The following RHBDD1 variants were observed in gnomAD, a reference collection of about 807,000 sequenced individuals.
RHBDD1 encodes the protein rhomboid domain containing 1.
RHBDD1 carries 38 observed loss-of-function variants against 36.3 expected under a neutral mutation model. The ratio of observed to expected loss-of-function variants is 1.05; its 90% CI spans 0.81 to 1.37. The LOEUF is 1.37. Ranked by LOEUF, RHBDD1 falls within the 40% of genes most tolerant of loss-of-function variation. RHBDD1 has a pLI of 0.00. For missense variants in RHBDD1, 393 were observed against 377.6 expected (o/e 1.04, Z -0.34); for synonymous variants, 151 against 136.5 (o/e 1.11, Z -0.74).
chr2:226,810,430 C>T, the RHBDD1 span, among the ~76,000 whole-genome samples: 5 of 148,330 alleles, frequency 3.4e-5, no homozygotes, highest in Non-Finnish European at 7.4e-5. Context: ...ATCTCAGCTA[C>T]TTGTGAGGCT....
intron 8 of RHBDD1, among the ~76,000 whole-genome samples, chr2:226,918,785 A>T (rs1019019395): frequency 6.6e-6 from 1 of 152,178 alleles, no homozygotes; most frequent in Non-Finnish European, 1.5e-5. Context: ...GGGAATATAG[A>T]TATCTCTTTG....
chr2:226,811,679 T>A, the RHBDD1 span, among the ~76,000 whole-genome samples: 1 of 152,356 alleles, frequency 6.6e-6, no homozygotes, highest in Non-Finnish European at 1.5e-5. Flanking sequence ...TCTGGCTCCT[T>A]GAAATTTGAG....
intron 5 of RHBDD1, among the ~76,000 whole-genome samples, chr2:226,893,689 G>A (rs1346803223): frequency 6.6e-6 from 1 of 152,174 alleles, no homozygotes; most frequent in Non-Finnish European, 1.5e-5. Context: ...TGGGATGGGT[G>A]GCTTTGTCCC....
intron 3 of RHBDD1, among the ~76,000 whole-genome samples, chr2:226,840,469 G>A (rs1941489807): frequency 6.6e-6 from 1 of 152,184 alleles, no homozygotes; most frequent in African/African-American, 2.4e-5. Context: ...GGAAAGGAGA[G>A]TGAAAAACCT....
At chr2:226,951,874 G>A (rs1486698420) in intron 8 of RHBDD1, among the ~76,000 whole-genome samples, 2 of 152,194 alleles carry the variant, frequency 1.3e-5, no homozygotes, top group African/African-American at 4.8e-5. Context: ...GATTGTGCAT[G>A]TATCCAAGGA....
intron 8 of RHBDD1, among the ~76,000 whole-genome samples, chr2:226,943,461 G>T (rs183758869): frequency 3.3e-5 from 5 of 152,274 alleles, no homozygotes; most frequent in Non-Finnish European, 7.4e-5. Flanking sequence ...AGTAGTTTTT[G>T]ATTTTCAACT....
rs1440269938 is a variant in RHBDD1, at chr2:226,958,075, A to C, written c.857-37356A>C. On this transcript the variant is annotated intron_variant, in intron 8 of 8. Transcript: ENST00000392062. ...AATGAAAACATATACCTACACAAAA[A>C]CTTGTATGTGAATATTTATTTTAAC... 5.3e-5 allele frequency among the ~76,000 whole-genome samples: 8 copies of C among 152,180 alleles called. No homozygotes were observed. The East Asian group carries it at 1.5e-3, about 29-fold the overall frequency.
chr2:226,855,179 GA>G (rs1458423660), intron 3 of RHBDD1, among the ~76,000 whole-genome samples: 8 of 152,132 alleles, frequency 5.3e-5, no homozygotes, highest in African/African-American at 1.9e-4. Context: ...GTGTATGAAG[GA>G]AAAAAGGAAG....
chr2:226,870,724 T>C (rs1310705729), intron 5 of RHBDD1, among the ~76,000 whole-genome samples: 1 of 152,248 alleles, frequency 6.6e-6, no homozygotes, highest in Non-Finnish European at 1.5e-5. Flanking sequence ...ATGTTATATG[T>C]ATCATATACT....
At chr2:226,804,770 G>A in the RHBDD1 span, 2 of 152,222 alleles carry the variant, frequency 1.3e-5, no homozygotes, top group East Asian at 1.9e-4. Context: ...AAAACTCCAT[G>A]CCACTGTTTA....
At chr2:226,819,324 A>G in the RHBDD1 span, among the ~76,000 whole-genome samples, 1 of 152,232 alleles carries the variant, frequency 6.6e-6, no homozygotes, top group Non-Finnish European at 1.5e-5. Context: ...CTAGGAGACT[A>G]CACAATTTGC....
At chr2:226,819,120 C>A in the RHBDD1 span, among the ~76,000 whole-genome samples, 2 of 152,176 alleles carry the variant, frequency 1.3e-5, no homozygotes, top group Admixed American at 6.5e-5. Context: ...GAATTTATGA[C>A]CCCTGTCTTA....
At chr2:226,994,901 A>G (rs1286034265) in intron 8 of RHBDD1, among the ~76,000 whole-genome samples, 2 of 152,110 alleles carry the variant, frequency 1.3e-5, no homozygotes, top group Non-Finnish European at 2.9e-5. Flanking sequence ...ACCTGCCCAG[A>G]TATTGATCAG....
At chr2:226,865,163 G>A in intron 4 of RHBDD1, 37 bp downstream of exon 4, 1 of 1,471,632 alleles carries the variant, frequency 6.8e-7, no homozygotes, top group Non-Finnish European at 9.3e-7. Context: ...CATGCATAAA[G>A]GAAGCAAGGG....
Position 226,904,416 on chromosome 2 carries a change from G to GT in RHBDD1, c.567-2377_567-2376insT, listed in dbSNP as rs773855639. On this transcript the variant is annotated intron_variant, in intron 5 of 8. Transcript: ENST00000392062. The stretch of plus-strand genomic sequence containing the variant: ...ACCACTGTGGCACATCCTGCAAGCG[G>GT]GGGGGGAGGGGGGTCAGGGAACTCC... 4.1e-4 allele frequency among the ~76,000 whole-genome samples: 61 copies of GT among 148,198 alleles called. 10 individuals are homozygous for GT. In the South Asian group the frequency reaches 9.9e-3, roughly 24 times the overall value.
chr2:226,965,195 T>C (rs1952528953), intron 8 of RHBDD1, among the ~76,000 whole-genome samples: 2 of 152,142 alleles, frequency 1.3e-5, no homozygotes, highest in East Asian at 1.9e-4. Flanking sequence ...GAATGAGCCA[T>C]GTGAAGACAG....
chr2:226,983,107 C>T (rs1335793705), intron 8 of RHBDD1, among the ~76,000 whole-genome samples: 1 of 152,190 alleles, frequency 6.6e-6, no homozygotes, highest in Admixed American at 6.5e-5. Context: ...CCACAGAACA[C>T]ACTATGGCAT....
At chr2:226,981,538 ACATC>A (rs1469546076) in intron 8 of RHBDD1, among the ~76,000 whole-genome samples, 1 of 149,070 alleles carries the variant, frequency 6.7e-6, no homozygotes, top group Non-Finnish European at 1.5e-5. Flanking sequence ...GCAGGCACAC[ACATC>A]CATGCACTCA....
the RHBDD1 span, among the ~76,000 whole-genome samples, chr2:226,817,924 T>C: frequency 2.0e-5 from 3 of 152,334 alleles, no homozygotes; most frequent in South Asian, 6.2e-4. Flanking sequence ...CCCTTTATGG[T>C]TTCACATAGA....
Sources: gnomAD v4.1 joint callset for allele counts (sites outside exome capture counted in the v4.1 genomes callset) on GRCh38, gnomAD v4.1.1 for gene constraint, MANE v1.5 for transcripts, NCBI Gene and HGNC (gene_info 2026-07-23, HGNC 2026-07-21) for gene names.